Variants in PFKL observed in about 807,000 individuals in gnomAD.
PFKL encodes the protein ATP-dependent 6-phosphofructokinase, liver type.
PFKL carries 74 observed loss-of-function variants against 92.1 expected under a neutral mutation model. The observed-to-expected ratio is 0.80, with a 90% CI of 0.67 to 0.97. The LOEUF (loss-of-function observed/expected upper bound fraction) is 0.97. PFKL is among the 50% of genes least tolerant of loss of function. PFKL has a pLI of 0.00. For synonymous variants in PFKL, 494 were observed against 456.4 expected, an observed-to-expected ratio of 1.08 and a Z score of -1.05; for missense variants, 1,028 against 1,116.6, an observed-to-expected ratio of 0.92 and a Z score of 1.13.
At chr21:44,307,981 G>A (rs2041001081) in intron 2 of PFKL, among the ~76,000 whole-genome samples, 1 of 152,244 alleles carries the variant, frequency 6.6e-6, no homozygotes, top group African/African-American at 2.4e-5. Context: ...CCTGGAAAAG[G>A]GGAGAAGAGG....
At chr21:44,307,606 A>G (rs939155351) in intron 2 of PFKL, among the ~76,000 whole-genome samples, 1 of 152,194 alleles carries the variant, frequency 6.6e-6, no homozygotes, top group Non-Finnish European at 1.5e-5. Context: ...CCTGGGTCTC[A>G]GTTCCCCCAT....
chr21:44,313,634 A>C lies in PFKL; in HGVS notation c.594-4A>C. The C allele has an allele frequency of 6.2e-7, 1 of 1,611,502 alleles. No homozygotes were observed. The highest frequency in any genetic ancestry group is 8.5e-7 in the Non-Finnish European group (1 of 1,179,350). ...TGATGCATCCTCCTGTTCCATCTCC[A>C]CAGCCACCAGAGGACCTTCGTGCTG... On this transcript the variant is annotated splice_region_variant and splice_polypyrimidine_tract_variant and intron_variant, in intron 5 of 21. Coordinates refer to ENST00000349048, the MANE Select transcript of PFKL (RefSeq NM_002626.6).
intron 5 of PFKL, 138 bp downstream of exon 5, chr21:44,313,281 C>T (rs2047107007): frequency 1.0e-6 from 1 of 982,968 alleles, no homozygotes; most frequent in African/African-American, 1.6e-5. Context: ...CCCTCAGCCC[C>T]CAGCTGGGGG....
intron 1 of PFKL, among the ~76,000 whole-genome samples, chr21:44,303,187 C>T (rs556084329): frequency 6.6e-6 from 1 of 151,522 alleles, no homozygotes; most frequent in Non-Finnish European, 1.5e-5. Context: ...GAGCCGAGAT[C>T]GAGCCACGGC....
intron 9 of PFKL, among the ~76,000 whole-genome samples, chr21:44,318,024 G>A (rs1307510723): frequency 6.6e-6 from 1 of 152,242 alleles, no homozygotes; most frequent in Non-Finnish European, 1.5e-5. Flanking sequence ...CCTTTGCAGT[G>A]TGTCCCTGGG....
intron 1 of PFKL, chr21:44,304,201 GCAC>G: frequency 7.8e-7 from 1 of 1,285,340 alleles, no homozygotes; most frequent in Non-Finnish European, 1.0e-6. Context: ...ATTTTGCAGA[GCAC>G]CCTGAAGACA....
chr21:44,301,605 G>A (rs768881427), intron 1 of PFKL, among the ~76,000 whole-genome samples: 3 of 152,172 alleles, frequency 2.0e-5, no homozygotes, highest in Non-Finnish European at 2.9e-5. Flanking sequence ...GAGGAGGCCC[G>A]TGGCCTTGGA....
intron 7 of PFKL, 109 bp from the exon 8 acceptor site, chr21:44,316,135 C>T (rs2047197732): frequency 2.1e-6 from 2 of 946,732 alleles, no homozygotes; most frequent in African/African-American, 1.6e-5. Flanking sequence ...TGCCCTGGCC[C>T]ATGTGGGTTG....
chr21:44,326,526 C>T (rs979173683), intron 21 of PFKL, among the ~76,000 whole-genome samples, 189 bp from the exon 22 acceptor site: 2 of 151,912 alleles, frequency 1.3e-5, no homozygotes, highest in Non-Finnish European at 1.5e-5. Flanking sequence ...GCGGCTGAGG[C>T]TGACTCTGTG....
intron 2 of PFKL, among the ~76,000 whole-genome samples, chr21:44,308,908 G>T (rs141419976): frequency 1.3e-5 from 2 of 152,264 alleles, no homozygotes; most frequent in East Asian, 3.9e-4. Flanking sequence ...GCATCTGTTA[G>T]CCCTGGTGAC....
In PFKL at chr21:44,316,270, C is replaced by A. The variant is rs1866472451; in HGVS notation, c.774C>A (p.Asn258Lys). 1.9e-6 allele frequency: 3 copies of A among 1,612,642 alleles called. No individual in the cohort carries two copies. Among genetic ancestry groups the A allele is most frequent in the Middle Eastern group, 1.6e-4 (1 of 6,084 alleles). ...CTCGGAGCCGTGGGTCCCGACTGAA[C>A]ATCATCATCATCGCTGAGGGTGCCA... is the stretch of plus-strand genomic sequence containing the variant. ...GETRSRGSRL[N>K]IIIIAEGAID... The change falls in exon 8 of 22, where the codon AAC becomes AAA. Residue 258 changes from asparagine to lysine, a missense_variant. Transcript: ENST00000349048.
intron 7 of PFKL, 102 bp downstream of exon 7, chr21:44,314,123 T>A (rs1045477874): frequency 7.7e-6 from 6 of 778,274 alleles, no homozygotes; most frequent in Non-Finnish European, 1.3e-5. Flanking sequence ...CTATCACTCA[T>A]GGGTTCATCA....
At position 44,320,147 on chromosome 21, in the gene PFKL, G is replaced by C. The variant is rs753311376; in HGVS notation, c.1191G>C (p.Lys397Asn). ...LLAHQKPPKEKSNFSLAILNV... is the reference protein window; with the variant it reads ...LLAHQKPPKENSNFSLAILNV... The stretch of plus-strand genomic sequence containing the variant: ...CCCACCAGAAGCCCCCCAAGGAGAA[G>C]GTGAGGCAGGGAGCGGCGCCCACAG... Residue 397 changes from lysine (K) to asparagine (N), a missense_variant and splice_region_variant, in exon 12 of 22, where the codon AAG becomes AAC. Coordinates refer to ENST00000349048, the MANE Select transcript of PFKL (RefSeq NM_002626.6). The C allele has an allele frequency of 1.1e-5, 18 of 1,613,046 alleles. No individual in the cohort carries two copies. In the South Asian group the frequency reaches 2.0e-4, roughly 18 times the overall value.
chr21:44,305,780 C>T (rs1601997070), intron 1 of PFKL: 1 of 1,365,988 alleles, frequency 7.3e-7, no homozygotes, highest in Non-Finnish European at 9.8e-7. Flanking sequence ...GCCGCCTCCC[C>T]CGTTAATGTC....
In PFKL at chr21:44,305,708, T is replaced by G. The variant is rs554488982; in HGVS notation, c.86-973T>G. The G allele has an allele frequency of 3.3e-3, 4,063 of 1,238,754 alleles. 16 individuals are homozygous for G. The highest frequency in any genetic ancestry group is 3.3e-3 in the Non-Finnish European group (3,106 of 931,390). The allele number at this position is 1,238,754 out of a possible 1,614,324, so 76.7% of individuals were successfully genotyped here. ...CCTTTTGTATGAAGTCATGGATATCTTTTGAGATGGGGGCTCTCGGGAAGA... is the reference window on the plus strand; with the variant it reads ...CCTTTTGTATGAAGTCATGGATATCGTTTGAGATGGGGGCTCTCGGGAAGA... On this transcript the variant is annotated intron_variant, in intron 1 of 21. Coordinates refer to ENST00000349048, the MANE Select transcript of PFKL (RefSeq NM_002626.6).
intron 4 of PFKL, 93 bp downstream of exon 4, chr21:44,312,387 C>A: frequency 1.7e-6 from 2 of 1,200,332 alleles, no homozygotes; most frequent in Non-Finnish European, 1.1e-6. Flanking sequence ...GACGAGGGAT[C>A]CCTGGGTGCC....
At position 44,307,505 on chromosome 21, in the gene PFKL, T is replaced by C. The variant is rs79658526; in HGVS notation, c.159+751T>C. Among the ~76,000 whole-genome samples the C allele has an allele frequency of 8.3e-3, 1,264 of 152,312 alleles. 14 individuals carry two copies. The highest frequency in any genetic ancestry group is 0.029 in the African/African-American group (1,185 of 41,542). ...ACTTTTTATGTAATATGTAGCTGTT[T>C]ATATAAAATGTAGCAACCCCAGCTC... is the stretch of plus-strand genomic sequence containing the variant. On this transcript the variant is annotated intron_variant, in intron 2 of 21. Coordinates refer to ENST00000349048, the MANE Select transcript of PFKL (RefSeq NM_002626.6).
rs978860580 is a variant in PFKL, at chr21:44,315,966, C to T, written c.748-278C>T. ...GCCCCAGCTGTGTGTGTGCTGGGCC[C>T]AGCCCCGAGGGCCCCCTTCCTCCCC... On this transcript the variant is annotated intron_variant, in intron 7 of 21. Transcript: ENST00000349048. The T allele has an allele frequency of 1.0e-5, 5 of 477,382 alleles. No individual in the cohort carries two copies. In the Admixed American group the frequency reaches 1.7e-4, roughly 16 times the overall value. 29.6% of individuals were successfully genotyped at this position (477,382 alleles called of 1,614,324 possible).
At position 44,323,065 on chromosome 21, in the gene PFKL, G is replaced by A. The variant is rs201949035; in HGVS notation, c.1497+16G>A. The A allele has an allele frequency of 7.8e-4, 829 of 1,061,984 alleles. 1 individual carries two copies. Among genetic ancestry groups the A allele is most frequent in the Non-Finnish European group, 9.9e-4 (776 of 785,108 alleles). The allele number at this position is 1,061,984 out of a possible 1,614,324, so 65.8% of individuals were successfully genotyped here. ...TGGGTTTGAGGTGAGAGCTGCCCACGGACGAAAAAGCCCCAGGGCACAGGA... is the reference window on the plus strand; with the variant it reads ...TGGGTTTGAGGTGAGAGCTGCCCACAGACGAAAAAGCCCCAGGGCACAGGA... On this transcript the variant is annotated intron_variant, in intron 15 of 21. Coordinates refer to ENST00000349048, the MANE Select transcript of PFKL (RefSeq NM_002626.6).
Sources: allele counts gnomAD v4.1 joint callset (sites outside exome capture counted in the v4.1 genomes callset), GRCh38; gene constraint gnomAD v4.1.1; transcripts MANE v1.5; gene names NCBI Gene and HGNC (gene_info 2026-07-23, HGNC 2026-07-21).